RNF144B: variants seen among roughly 807,000 people sequenced by gnomAD.
RNF144B encodes the protein ring finger protein 144B, also known as E3 ubiquitin-protein ligase RNF144B.
In RNF144B, 25 loss-of-function variants were observed where a neutral mutation model predicts 40.2. That is an observed-to-expected ratio of 0.62 (90% CI 0.45 to 0.87). The LOEUF is 0.87. Among genes scored for constraint, RNF144B ranks in the 40% least tolerant of loss-of-function variants. The pLI, the probability that RNF144B is intolerant of heterozygous loss-of-function variation, is 0.00. For missense variants in RNF144B, 365 were observed against 373.7 expected (o/e 0.98, Z 0.19); for synonymous variants, 145 against 136.3 (o/e 1.06, Z -0.44).
In RNF144B at chr6:18,453,230, C is replaced by T. The variant is rs535553667; in HGVS notation, c.332-3925C>T. Among the ~76,000 whole-genome samples the T allele has an allele frequency of 3.3e-5, 5 of 150,438 alleles. 1 individual carries two copies. The highest frequency in any genetic ancestry group is 4.9e-5 in the African/African-American group (2 of 40,996). On this transcript the variant is annotated intron_variant, in intron 4 of 7. Transcript: ENST00000259939. ...CTTGGTTCACTGCAACCTCCGCCTCCCAGGTTCAAATGATTCTCCTGCCTC... is the reference window on the plus strand; with the variant it reads ...CTTGGTTCACTGCAACCTCCGCCTCTCAGGTTCAAATGATTCTCCTGCCTC...
chr6:18,459,536 C>A lies in RNF144B; in HGVS notation c.537-71C>A. 1 of 1,493,056 alleles carries A rather than the reference C, an allele frequency of 6.7e-7. No homozygotes were observed. Among genetic ancestry groups the A allele is most frequent in the Non-Finnish European group, 9.2e-7 (1 of 1,085,124 alleles). 92.5% of individuals were successfully genotyped at this position (1,493,056 alleles called of 1,614,324 possible). On this transcript the variant is annotated intron_variant, in intron 5 of 7. Coordinates refer to ENST00000259939, the MANE Select transcript of RNF144B (RefSeq NM_182757.4). This position sits in a 1 kb window ranked among gnomAD's most constrained non-coding sequence, Gnocchi z 4.2. ...GGATAACTGTGAGTTCATTATCTAA[C>A]CATCAGGAGCCCTGGGAATTCAACT...
rs1364396175 is a variant in RNF144B, at chr6:18,456,302, T to G, written c.332-853T>G. On this transcript the variant is annotated intron_variant, in intron 4 of 7. Coordinates refer to ENST00000259939, the MANE Select transcript of RNF144B (RefSeq NM_182757.4). This position sits in a 1 kb window ranked among gnomAD's most constrained non-coding sequence, Gnocchi z 4.7. ...TATCCAAACTGACAGGTAATCCAAC[T>G]TCTTGGCTAAGCCACACCAGATACT... Among the ~76,000 whole-genome samples, 1 of 152,224 alleles carries G rather than the reference T, an allele frequency of 6.6e-6. No individual in the cohort carries two copies. Among genetic ancestry groups the G allele is most frequent in the Non-Finnish European group, 1.5e-5 (1 of 68,044 alleles).
At position 18,457,024 on chromosome 6, in the gene RNF144B, G is replaced by C. The variant is rs552181901; in HGVS notation, c.332-131G>C. The C allele has an allele frequency of 3.6e-5, 28 of 779,390 alleles. No individual in the cohort carries two copies. The African/African-American group carries it at 4.3e-4, about 12-fold the overall frequency. The allele number at this position is 779,390 out of a possible 1,614,324, so 48.3% of individuals were successfully genotyped here. ...TGCAGTGAGCTGAAATCATGCCACT[G>C]TACTCCAGCCTGGGCGACAGAGTGA... On this transcript the variant is annotated intron_variant, in intron 4 of 7. Transcript: ENST00000259939. This position sits in a 1 kb window ranked among gnomAD's most constrained non-coding sequence, Gnocchi z 5.1.
intron 1 of RNF144B, among the ~76,000 whole-genome samples, chr6:18,390,586 G>A (rs749362585): frequency 5.3e-5 from 8 of 152,316 alleles, no homozygotes; most frequent in Middle Eastern, 3.4e-3. Flanking sequence ...TATTTATTAA[G>A]AGCATACTTT....
In RNF144B at chr6:18,444,468, T is replaced by TG. The variant is rs70974743; in HGVS notation, c.331+4724_331+4725insG. Reference sequence around the variant, plus strand: ...AGAGTCTACTTTTTCAAAATAGTTTTTTTTTGAAAATTGGGTTAAGATGAT... The same window carrying TG: ...AGAGTCTACTTTTTCAAAATAGTTTTGTTTTTGAAAATTGGGTTAAGATGAT... On this transcript the variant is annotated intron_variant, in intron 4 of 7. Transcript: ENST00000259939. This position sits in a 1 kb window ranked among gnomAD's most constrained non-coding sequence, Gnocchi z 4.3. Among the ~76,000 whole-genome samples, 18,280 of 152,218 alleles carry TG rather than the reference T, an allele frequency of 0.12. 1,313 individuals carry two copies. The highest frequency in any genetic ancestry group is 0.19 in the Admixed American group (2,923 of 15,280).
chr6:18,402,721 G>A (rs1399892789), intron 2 of RNF144B, among the ~76,000 whole-genome samples: 1 of 152,184 alleles, frequency 6.6e-6, no homozygotes, highest in Non-Finnish European at 1.5e-5. Flanking sequence ...ATTATTTCAT[G>A]TAGGTAATTC....
intron 2 of RNF144B, among the ~76,000 whole-genome samples, chr6:18,427,095 C>T (rs559259427): frequency 6.6e-6 from 1 of 152,238 alleles, no homozygotes; most frequent in Admixed American, 6.5e-5. Flanking sequence ...ATTATCTTTT[C>T]CAGGTATGTT....
rs1349510783 is a variant in RNF144B, at chr6:18,434,849, C to G, written c.271-4835C>G. On this transcript the variant is annotated intron_variant, in intron 3 of 7. Transcript: ENST00000259939. This position sits in a 1 kb window ranked among gnomAD's most constrained non-coding sequence, Gnocchi z 4.1. Reference sequence around the variant, plus strand: ...TGTTAGCCAGGATGGTCTCAATCTCCTGACCTCGTGATCCACCTGCCTCGG... The same window carrying G: ...TGTTAGCCAGGATGGTCTCAATCTCGTGACCTCGTGATCCACCTGCCTCGG... Among the ~76,000 whole-genome samples the G allele has an allele frequency of 6.6e-6, 1 of 152,124 alleles. No homozygotes were observed. Among genetic ancestry groups the G allele is most frequent in the Non-Finnish European group, 1.5e-5 (1 of 68,030 alleles).
intron 3 of RNF144B, among the ~76,000 whole-genome samples, chr6:18,432,789 G>C (rs1758722653): frequency 6.6e-6 from 1 of 152,188 alleles, no homozygotes; most frequent in African/African-American, 2.4e-5. Context: ...GTGGAGGGCA[G>C]GGAAGAGCTT....
intron 2 of RNF144B, among the ~76,000 whole-genome samples, chr6:18,402,950 G>A (rs2876489): frequency 0.41 from 62,371 of 152,122 alleles, 13,473 homozygotes; most frequent in East Asian, 0.7. Flanking sequence ...CATGACTGAC[G>A]TCATAGAACA....
intron 3 of RNF144B, among the ~76,000 whole-genome samples, chr6:18,428,140 G>T (rs776210446): frequency 5.9e-5 from 9 of 152,134 alleles, no homozygotes; most frequent in Non-Finnish European, 8.8e-5. Flanking sequence ...GGGCTTCCCT[G>T]CCCTTTGCTC....
intron 2 of RNF144B, among the ~76,000 whole-genome samples, chr6:18,417,960 T>C (rs1302451731): frequency 6.6e-6 from 1 of 152,174 alleles, no homozygotes; most frequent in African/African-American, 2.4e-5. Context: ...AGAGATGATG[T>C]ACAAATTACC....
At chr6:18,436,408 T>C (rs1172426235) in intron 3 of RNF144B, among the ~76,000 whole-genome samples, 1 of 152,204 alleles carries the variant, frequency 6.6e-6, no homozygotes, top group African/African-American at 2.4e-5. Flanking sequence ...GGCCCGAAGA[T>C]GCTTTAATTC....
At chr6:18,462,877 T>A (rs1243654511) in intron 6 of RNF144B, among the ~76,000 whole-genome samples, 1 of 152,116 alleles carries the variant, frequency 6.6e-6, no homozygotes, top group African/African-American at 2.4e-5. Context: ...TCTCTCCAGT[T>A]ACTTTCTTAA....
rs988679056 is a variant in RNF144B, at chr6:18,460,944, C to T, written c.681+1193C>T. Among the ~76,000 whole-genome samples the T allele has an allele frequency of 2.0e-5, 3 of 152,224 alleles. No individual in the cohort carries two copies. Among genetic ancestry groups the T allele is most frequent in the African/African-American group, 7.2e-5 (3 of 41,472 alleles). On this transcript the variant is annotated intron_variant, in intron 6 of 7. Transcript: ENST00000259939. This position sits in a 1 kb window ranked among gnomAD's most constrained non-coding sequence, Gnocchi z 4.4. ...ATATGTCCATATCAGCGTAAGCCCT[C>T]AGTTACCATTGAGTTGCTATTCTTT...
chr6:18,390,823 C>G (rs1236188703), intron 1 of RNF144B, among the ~76,000 whole-genome samples: 1 of 152,178 alleles, frequency 6.6e-6, no homozygotes, highest in Non-Finnish European at 1.5e-5. Context: ...TAAGTAGGAG[C>G]TGGGTTTAAT....
intron 1 of RNF144B, chr6:18,396,605 A>G: frequency 4.1e-6 from 4 of 985,262 alleles, no homozygotes; most frequent in Non-Finnish European, 4.8e-6. Context: ...CTCAGGAAGC[A>G]TTTACTACCT....
rs1562048563 is a variant in RNF144B, at chr6:18,425,047, GTAT to G, written c.166-2533_166-2531del. Among the ~76,000 whole-genome samples the G allele has an allele frequency of 1.3e-5, 2 of 148,560 alleles. No homozygotes were observed. Among genetic ancestry groups the G allele is most frequent in the Non-Finnish European group, 3.0e-5 (2 of 66,542 alleles). On this transcript the variant is annotated intron_variant, in intron 2 of 7. Coordinates refer to ENST00000259939, the MANE Select transcript of RNF144B (RefSeq NM_182757.4). This position sits in a 1 kb window ranked among gnomAD's most constrained non-coding sequence, Gnocchi z 4.2. ...ATATATAAATTTCACGTGTATGTGT[GTAT>G]GTGTGGGTGTGTGTGTGTGTGTGTT...
intron 3 of RNF144B, among the ~76,000 whole-genome samples, chr6:18,437,651 A>C (rs2113512567): frequency 6.6e-6 from 1 of 152,350 alleles, no homozygotes; most frequent in African/African-American, 2.4e-5. Context: ...GAGAAATCCA[A>C]AGTACCATAA....
Sources: gnomAD v4.1 joint callset for allele counts (sites outside exome capture counted in the v4.1 genomes callset) on GRCh38, gnomAD v4.1.1 for gene constraint, Gnocchi (gnomAD v3.1) non-coding constraint, MANE v1.5 for transcripts, NCBI Gene and HGNC (gene_info 2026-07-23, HGNC 2026-07-21) for gene names.